The following TRPM3 variants were observed in gnomAD, a reference collection of about 807,000 sequenced individuals.
The protein encoded by TRPM3 is long transient receptor potential channel 3.
A neutral mutation model predicts 181.2 loss-of-function variants in TRPM3; 77 were observed. That is an observed-to-expected ratio of 0.42 (90% confidence interval 0.35 to 0.51). The LOEUF (loss-of-function observed/expected upper bound fraction) is 0.51, where lower values mean the gene tolerates loss of function less well. Among genes scored for constraint, TRPM3 ranks in the 20% least tolerant of loss-of-function variants. TRPM3 has a pLI of 0.01. For synonymous variants in TRPM3, 745 were observed against 796.4 expected (o/e 0.94, Z 1.09); for missense variants, 1,759 against 2,196.7 (o/e 0.80, Z 3.98).
At position 71,015,536 on chromosome 9, in the gene TRPM3, T is replaced by C. The variant is rs143564249; in HGVS notation, c.177+105642A>G. 3.3e-4 allele frequency among the ~76,000 whole-genome samples: 51 copies of C among 152,350 alleles called. No individual in the cohort carries two copies. In the East Asian group the frequency reaches 8.7e-3, roughly 26 times the overall value. On this transcript the variant is annotated intron_variant, in intron 1 of 25. Transcript: ENST00000677713. ...TCTACATTGATCTAAGAATGTGCTA[T>C]AAGCAAGTAATGGCATAAACACATT...
chr9:71,199,272 T>G (rs531410907), intron 1 of TRPM3, among the ~76,000 whole-genome samples: 122 of 152,124 alleles, frequency 8.0e-4, no homozygotes, highest in African/African-American at 2.8e-3. Flanking sequence ...GGATTCAGTT[T>G]GCCAGTATTT....
At chr9:70,942,136 C>G (rs2096891669) in intron 1 of TRPM3, among the ~76,000 whole-genome samples, 1 of 152,170 alleles carries the variant, frequency 6.6e-6, no homozygotes, top group Non-Finnish European at 1.5e-5. Flanking sequence ...CACCTTTCAA[C>G]TGAGATATTT....
At chr9:70,835,224 C>T (rs559323897) in intron 5 of TRPM3, among the ~76,000 whole-genome samples, 1 of 152,084 alleles carries the variant, frequency 6.6e-6, no homozygotes, top group Admixed American at 6.6e-5. Flanking sequence ...GACAAATAAA[C>T]CTCTTTTCTT....
At chr9:71,438,648 G>A (rs2094086946) in intron 1 of TRPM3, among the ~76,000 whole-genome samples, 1 of 152,212 alleles carries the variant, frequency 6.6e-6, no homozygotes, top group African/African-American at 2.4e-5. Context: ...ACCCCAGCCT[G>A]GGCGATAGAG....
At chr9:71,035,475 G>C (rs1231154095) in intron 1 of TRPM3, among the ~76,000 whole-genome samples, 1 of 152,220 alleles carries the variant, frequency 6.6e-6, no homozygotes, top group Non-Finnish European at 1.5e-5. Context: ...CAGCACTTCT[G>C]GGAGGCCAAG....
At chr9:71,249,056 T>C (rs542154474) in intron 1 of TRPM3, among the ~76,000 whole-genome samples, 7 of 152,206 alleles carry the variant, frequency 4.6e-5, no homozygotes, top group Non-Finnish European at 8.8e-5. Context: ...GACTTAAAAA[T>C]AGCACTTGAA....
At chr9:71,040,224 A>G (rs1273512387) in intron 1 of TRPM3, among the ~76,000 whole-genome samples, 1 of 152,208 alleles carries the variant, frequency 6.6e-6, no homozygotes, top group Non-Finnish European at 1.5e-5. Context: ...AAGAGCTCCT[A>G]GCAGCTAGAG....
At chr9:70,792,166 G>A (rs1204773259) in intron 6 of TRPM3, among the ~76,000 whole-genome samples, 2 of 152,132 alleles carry the variant, frequency 1.3e-5, no homozygotes, top group Non-Finnish European at 2.9e-5. Context: ...AAAGCTGGCT[G>A]GACTTACATG....
intron 1 of TRPM3, among the ~76,000 whole-genome samples, chr9:70,893,625 G>T (rs1338143662): frequency 6.6e-6 from 1 of 151,818 alleles, no homozygotes; most frequent in Non-Finnish European, 1.5e-5. Context: ...AAAAATTAGG[G>T]CCCTATACTC....
rs1170916332 is a variant in TRPM3, at chr9:70,625,427, A to T, written c.1668+55T>A. 2.5e-6 allele frequency: 4 copies of T among 1,589,154 alleles called. No homozygotes were observed. The highest frequency in any genetic ancestry group is 3.4e-6 in the Non-Finnish European group (4 of 1,171,310). On this transcript the variant is annotated intron_variant, in intron 13 of 25. Coordinates refer to ENST00000677713, the MANE Select transcript of TRPM3 (RefSeq NM_001366145.2). This position sits in a 1 kb window ranked among gnomAD's most constrained non-coding sequence, Gnocchi z 4.8. ...GTATTCTGTAACTAGAGTAAAAAAA[A>T]AATAATGAAAAAAGAAACATATGAA...
At chr9:71,443,216 A>G (rs2094157337) in intron 1 of TRPM3, among the ~76,000 whole-genome samples, 1 of 152,214 alleles carries the variant, frequency 6.6e-6, no homozygotes, top group African/African-American at 2.4e-5. Flanking sequence ...TTTGGGGTGT[A>G]ATTTAATATT....
intron 1 of TRPM3, among the ~76,000 whole-genome samples, chr9:71,296,478 C>A (rs1486761119): frequency 6.6e-6 from 1 of 152,046 alleles, no homozygotes; most frequent in East Asian, 1.9e-4. Context: ...GGGAAGAAAT[C>A]CCACCAGTTA....
At chr9:71,168,468 T>A in intron 1 of TRPM3, among the ~76,000 whole-genome samples, 1 of 150,728 alleles carries the variant, frequency 6.6e-6, no homozygotes, top group Non-Finnish European at 1.5e-5. Context: ...TTCTTGGCAA[T>A]GTCAGCATCA....
chr9:71,137,149 T>G (rs2074817139), intron 1 of TRPM3, among the ~76,000 whole-genome samples: 1 of 152,170 alleles, frequency 6.6e-6, no homozygotes, highest in Admixed American at 6.5e-5. Context: ...TGCTTAATAA[T>G]GCAAAAGTTA....
At chr9:71,083,713 TACACACACACAC>T (rs34900575) in intron 1 of TRPM3, among the ~76,000 whole-genome samples, 2 of 145,284 alleles carry the variant, frequency 1.4e-5, no homozygotes, top group East Asian at 2.0e-4. Context: ...TATTATTATG[TACACACACACAC>T]ACACACACAC....
intron 1 of TRPM3, among the ~76,000 whole-genome samples, chr9:70,970,719 C>A (rs529762320): frequency 6.6e-6 from 1 of 152,234 alleles, no homozygotes; most frequent in African/African-American, 2.4e-5. Context: ...TGCTTCTAAG[C>A]AGGGAAGCTT....
At chr9:71,353,993 T>C (rs915247974) in intron 1 of TRPM3, among the ~76,000 whole-genome samples, 130 of 152,262 alleles carry the variant, frequency 8.5e-4, no homozygotes, top group African/African-American at 3.0e-3. Context: ...TTCTATTCCA[T>C]CTCATGGCCT....
At chr9:71,380,767 A>G (rs1392393151) in intron 1 of TRPM3, among the ~76,000 whole-genome samples, 2 of 152,048 alleles carry the variant, frequency 1.3e-5, no homozygotes, top group African/African-American at 4.8e-5. Context: ...AAGAAAACGT[A>G]TTTACTAACT....
intron 1 of TRPM3, among the ~76,000 whole-genome samples, chr9:71,305,921 C>T (rs769192598): frequency 6.6e-6 from 1 of 151,984 alleles, no homozygotes; most frequent in South Asian, 2.1e-4. Context: ...TTTTCCTGAT[C>T]AGGACTTTTC....
Sources: allele counts gnomAD v4.1 joint callset (sites outside exome capture counted in the v4.1 genomes callset), GRCh38; gene constraint gnomAD v4.1.1; non-coding constraint Gnocchi (gnomAD v3.1); transcripts MANE v1.5; gene names NCBI Gene and HGNC (gene_info 2026-07-23, HGNC 2026-07-21).